The following MCF2 variants were observed in gnomAD, a reference collection of about 807,000 sequenced individuals.
MCF2 encodes proto-oncogene DBL.
In MCF2, 44 loss-of-function variants were observed where a neutral mutation model predicts 82.5. The ratio of observed to expected loss-of-function variants is 0.53; its 90% confidence interval spans 0.42 to 0.69. MCF2 has a LOEUF of 0.69. Among genes scored for constraint, MCF2 ranks in the 30% least tolerant of loss-of-function variants. The probability of loss-of-function intolerance (pLI) is 0.00; values close to 1 mark genes in which losing one functional copy is unlikely to be tolerated. For missense variants in MCF2, 623 were observed against 663.1 expected, an observed-to-expected ratio of 0.94 and a Z score of 0.66; for synonymous variants, 217 against 224.9, an observed-to-expected ratio of 0.96 and a Z score of 0.32.
chrX:139,617,216 A>C (rs1261771262), intron 8 of MCF2, among the ~76,000 whole-genome samples: 1 of 111,766 alleles, frequency 8.9e-6, no homozygotes, highest in East Asian at 2.8e-4. Flanking sequence ...TGTATCGAAA[A>C]TACAAAGGAA....
Position 139,664,112 on chromosome X carries a change from C to T in MCF2, c.-44-12324G>A, listed in dbSNP as rs1439947037. Reference sequence around the variant, plus strand: ...CTCTGCCTCCCAGGTTCAAGCAATTCTCCGGCCTTAGCCTCCCAAGTAGCT... The same window carrying T: ...CTCTGCCTCCCAGGTTCAAGCAATTTTCCGGCCTTAGCCTCCCAAGTAGCT... On this transcript the variant is annotated intron_variant, in intron 1 of 27. Transcript: ENST00000414978. 6.3e-5 allele frequency among the ~76,000 whole-genome samples: 7 copies of T among 110,392 alleles called. No individual in the cohort carries two copies. The South Asian group carries it at 1.6e-3, about 25-fold the overall frequency.
intron 6 of MCF2, among the ~76,000 whole-genome samples, chrX:139,621,967 C>T (rs1240430279): frequency 9.0e-5 from 10 of 111,063 alleles, no homozygotes; most frequent in African/African-American, 2.9e-4. Flanking sequence ...AGAAAATTTT[C>T]GCAACCTACT....
chrX:139,586,893 A>T (rs1363235639), intron 22 of MCF2, among the ~76,000 whole-genome samples: 2 of 111,536 alleles, frequency 1.8e-5, no homozygotes, highest in Admixed American at 9.6e-5. Flanking sequence ...AAACCTAAAG[A>T]TGTTACTCCT....
intron 10 of MCF2, among the ~76,000 whole-genome samples, chrX:139,614,359 C>T (rs755830337): frequency 9.0e-5 from 10 of 111,668 alleles, no homozygotes; most frequent in African/African-American, 2.6e-4. Flanking sequence ...ATTATCTAAG[C>T]CATTCACTTA....
Position 139,625,405 on chromosome X carries a change from A to T in MCF2, c.687+788T>A, listed in dbSNP as rs776376123. Among the ~76,000 whole-genome samples, 359 of 111,853 alleles carry T rather than the reference A, an allele frequency of 3.2e-3. 1 individual carries two copies. Among genetic ancestry groups the T allele is most frequent in the African/African-American group, 0.011 (328 of 30,841 alleles). ...GGTTTCATGCAGAACATTTCAAAAG[A>T]TGTTTGAATCAAAGGAGAGAAAACG... On this transcript the variant is annotated intron_variant, in intron 6 of 24. Transcript: ENST00000370576.
chrX:139,620,689 A>T lies in MCF2; in HGVS notation c.688-983T>A, dbSNP rs147545141. Among the ~76,000 whole-genome samples the T allele has an allele frequency of 2.4e-3, 264 of 111,658 alleles. 2 individuals carry two copies. Among genetic ancestry groups the T allele is most frequent in the African/African-American group, 8.4e-3 (258 of 30,826 alleles). ...GAAAAATCTCTATAAGGAGACCTAC[A>T]AAACACTGCTGAAATAGATCATACA... On this transcript the variant is annotated intron_variant, in intron 6 of 24. Transcript: ENST00000370576.
chrX:139,631,204 T>A (rs1348748165), intron 3 of MCF2, among the ~76,000 whole-genome samples, 191 bp downstream of exon 6: 1 of 111,952 alleles, frequency 8.9e-6, no homozygotes, highest in Non-Finnish European at 1.9e-5. Context: ...GCTCATCATT[T>A]CTAGATATTG....
intron 19 of MCF2, among the ~76,000 whole-genome samples, chrX:139,594,861 A>G (rs1201600315): frequency 9.0e-6 from 1 of 111,647 alleles, no homozygotes; most frequent in Non-Finnish European, 1.9e-5. Context: ...ATCTACAATG[A>G]ATTCAAACAA....
chrX:139,633,920 G>A lies in MCF2; in HGVS notation c.52-1466C>T, dbSNP rs144987060. 3.6e-3 allele frequency among the ~76,000 whole-genome samples: 401 copies of A among 111,451 alleles called. 1 individual carries two copies. The highest frequency in any genetic ancestry group is 0.012 in the African/African-American group (379 of 30,662). On this transcript the variant is annotated intron_variant, in intron 1 of 24. Coordinates refer to ENST00000370576, the Ensembl canonical transcript of MCF2. ...GACATAACTACTTGATGTACTTGCC[G>A]AGAAAGGAGGTACTAGGAGGATCAA...
At chrX:139,688,860 G>T (rs911253050) in intron 1 of MCF2, among the ~76,000 whole-genome samples, 2 of 111,379 alleles carry the variant, frequency 1.8e-5, no homozygotes, top group Non-Finnish European at 3.8e-5. Flanking sequence ...CCCTATAGAT[G>T]ATGAGAATAA....
chrX:139,691,911 T>C, intron 1 of MCF2: 1 of 1,153,263 alleles, frequency 8.7e-7, no homozygotes. Context: ...AGGAGGGGAC[T>C]TACCTGCCAC....
At chrX:139,673,786 T>C (rs928390904) in intron 1 of MCF2, among the ~76,000 whole-genome samples, 2 of 112,040 alleles carry the variant, frequency 1.8e-5, no homozygotes, top group African/African-American at 6.5e-5. Flanking sequence ...GAAGAATGTA[T>C]ATTCTGTTGA....
At chrX:139,643,013 A>T (rs1489685945), upstream of MCF2, among the ~76,000 whole-genome samples, 2 of 111,947 alleles carry the variant, frequency 1.8e-5, no homozygotes, top group Non-Finnish European at 3.8e-5. Flanking sequence ...ATGTGACTTA[A>T]ATTTCAATTC....
rs1747821955 is a variant in MCF2, at chrX:139,588,352, G to A, written c.2449+8C>T. On this transcript the variant is annotated splice_region_variant and intron_variant, in intron 21 of 24. Transcript: ENST00000370576. ...TTCTTGTTCTGAAGAATGCAGGCTTGAATTTACCTGTCAAAAGTTCCTGCT... is the reference window on the plus strand; with the variant it reads ...TTCTTGTTCTGAAGAATGCAGGCTTAAATTTACCTGTCAAAAGTTCCTGCT... 1 of 1,193,330 alleles carries A rather than the reference G, an allele frequency of 8.4e-7. No individual in the cohort carries two copies. The highest frequency in any genetic ancestry group is 1.1e-6 in the Non-Finnish European group (1 of 881,342).
intron 1 of MCF2, chrX:139,692,241 C>A (rs1935289016): frequency 1.8e-6 from 1 of 541,805 alleles, no homozygotes; most frequent in Admixed American, 3.9e-5. Context: ...CCAGCTCTGA[C>A]CCGCGCGCCG....
At chrX:139,686,068 G>A (rs951832406) in intron 1 of MCF2, among the ~76,000 whole-genome samples, 3 of 13,441 alleles carry the variant, frequency 2.2e-4, no homozygotes, top group Admixed American at 1.7e-3. Context: ...ACCCCTTCAC[G>A]TTAAAAAAAA....
intron 16 of MCF2, 86 bp downstream of exon 20, chrX:139,602,320 C>T: frequency 1.3e-6 from 1 of 760,262 alleles, no homozygotes; most frequent in Admixed American, 2.5e-5. Context: ...ATGTAACGTA[C>T]TTAAAGTAGA....
chrX:139,582,579 G>T, intron 24 of MCF2, 76 bp from the exon 29 acceptor site: 1 of 765,988 alleles, frequency 1.3e-6, no homozygotes, highest in Non-Finnish European at 2.0e-6. Flanking sequence ...GGTCATTCCA[G>T]CTTCTTGTTT....
At chrX:139,584,869 T>C (rs1218024401) in intron 24 of MCF2, among the ~76,000 whole-genome samples, 197 bp downstream of exon 28, 1 of 111,672 alleles carries the variant, frequency 9.0e-6, no homozygotes. Context: ...AGAAGCTCTA[T>C]GTATAGGTCA....
Sources: gnomAD v4.1 joint callset for allele counts (sites outside exome capture counted in the v4.1 genomes callset) on GRCh38, gnomAD v4.1.1 for gene constraint, MANE v1.5 for transcripts, NCBI Gene and HGNC (gene_info 2026-07-23, HGNC 2026-07-21) for gene names.